Variants in KIF5B observed in about 807,000 individuals in gnomAD.
KIF5B encodes the protein kinesin family member 5B, also known as kinesin-1 heavy chain.
KIF5B carries 49 observed loss-of-function variants against 132.8 expected under a neutral mutation model. That is an observed-to-expected ratio of 0.37 (90% CI 0.29 to 0.47). The LOEUF is 0.47. Ranked by LOEUF, KIF5B falls within the 20% of genes least tolerant of loss-of-function variation. KIF5B has a pLI of 1.00. For missense variants in KIF5B, 780 were observed against 1,144.0 expected, an observed-to-expected ratio of 0.68 and a Z score of 4.59; for synonymous variants, 355 against 369.4, an observed-to-expected ratio of 0.96 and a Z score of 0.45.
chr10:32,052,773 A>G (rs555419238), intron 1 of KIF5B, among the ~76,000 whole-genome samples: 2 of 152,208 alleles, frequency 1.3e-5, no homozygotes, highest in Non-Finnish European at 2.9e-5. Flanking sequence ...AAAATAATTC[A>G]TTTCATTCGA....
chr10:32,034,844 A>G lies in KIF5B; in HGVS notation c.963-6T>C. 2.6e-6 allele frequency: 4 copies of G among 1,563,484 alleles called. No homozygotes were observed. The South Asian group carries it at 3.7e-5, about 14-fold the overall frequency. On this transcript the variant is annotated splice_region_variant and splice_polypyrimidine_tract_variant and intron_variant, in intron 10 of 25. Coordinates refer to ENST00000302418, the MANE Select transcript of KIF5B (RefSeq NM_004521.3). ...TGTTCTTAATTGTTTTGGCCCTAAG[A>G]GATGTAATTGGAGGAAAAAAAGGAT...
intron 1 of KIF5B, 127 bp from the exon 2 acceptor site, chr10:32,048,678 T>A: frequency 1.7e-6 from 1 of 595,626 alleles, no homozygotes; most frequent in Non-Finnish European, 2.9e-6. Flanking sequence ...TAATTTGGTA[T>A]CATTGAATCT....
intron 24 of KIF5B, among the ~76,000 whole-genome samples, chr10:32,016,097 T>C (rs959134919): frequency 7.2e-5 from 11 of 152,050 alleles, no homozygotes; most frequent in African/African-American, 2.7e-4. Flanking sequence ...TGAGCCATAA[T>C]TGCACCACTG....
intron 11 of KIF5B, 85 bp from the exon 12 acceptor site, chr10:32,034,123 T>C (rs574743540): frequency 3.0e-4 from 263 of 868,488 alleles, no homozygotes; most frequent in Non-Finnish European, 4.1e-4. Flanking sequence ...TTTTTTTTTT[T>C]TTTTTGAGAC....
intron 16 of KIF5B, 42 bp downstream of exon 16, chr10:32,022,806 G>T (rs912096239): frequency 7.5e-7 from 1 of 1,342,188 alleles, no homozygotes; most frequent in Non-Finnish European, 1.0e-6. Flanking sequence ...ATTTCTATGT[G>T]GCTGTTTCAA....
chr10:32,045,082 T>C (rs1841592450), intron 2 of KIF5B, among the ~76,000 whole-genome samples: 1 of 152,184 alleles, frequency 6.6e-6, no homozygotes, highest in Non-Finnish European at 1.5e-5. Context: ...ACAGACTTCA[T>C]CTTTTTCTTT....
Position 32,017,148 on chromosome 10 carries a change from T to C in KIF5B, c.2756A>G (p.Gln919Arg). Residue 919 changes from glutamine (Q) to arginine (R), a missense_variant, in exon 24 of 26, where the codon CAG becomes CGG. This residue lies in a region of KIF5B where 90 missense variants were observed against 101.8 expected (regional missense o/e 0.88). Transcript: ENST00000302418. ...KNMARRGHSAQIAKPIRPGQH... is the reference protein window; with the variant it reads ...KNMARRGHSARIAKPIRPGQH... Reference sequence around the variant, plus strand: ...TTTTAATGTGTTCTACTAACCAATCTGTGCAGAATGCCCTCTTCTGGCCAT... The same window carrying C: ...TTTTAATGTGTTCTACTAACCAATCCGTGCAGAATGCCCTCTTCTGGCCAT... 6.2e-7 allele frequency: 1 copy of C among 1,612,968 alleles called. No individual in the cohort carries two copies.
In KIF5B at chr10:32,035,947, G is replaced by A. The variant is rs1430902796; in HGVS notation, c.759C>T (p.Asn253=). 1.2e-6 allele frequency: 2 copies of A among 1,613,186 alleles called. No homozygotes were observed. The highest frequency in any genetic ancestry group is 2.2e-5 in the South Asian group (2 of 90,986). The change falls in exon 9 of 26, where the codon AAC becomes AAT. Residue 253 remains asparagine, a synonymous_variant. Transcript: ENST00000302418. ...AEGAVLDEAK[N]INKSLSALGN... ...CAAGAGCAGAAAGTGACTTGTTGAT[G>A]TTTTTAGCTTCATCCAGCACAGCAC...
chr10:32,036,025 A>G lies in KIF5B; in HGVS notation c.712-31T>C, dbSNP rs773615832. ...CATAAGATTTCAAAAGAATGAAACAAAATTACAAGTTTATAATTTTCTTTA... is the reference window on the plus strand; with the variant it reads ...CATAAGATTTCAAAAGAATGAAACAGAATTACAAGTTTATAATTTTCTTTA... On this transcript the variant is annotated intron_variant, in intron 8 of 25. Coordinates refer to ENST00000302418, the MANE Select transcript of KIF5B (RefSeq NM_004521.3). The G allele has an allele frequency of 2.9e-6, 4 of 1,396,580 alleles. No individual in the cohort carries two copies. In the East Asian group the frequency reaches 7.1e-5, roughly 25 times the overall value. The allele number at this position is 1,396,580 out of a possible 1,614,324, so 86.5% of individuals were successfully genotyped here. A position where few individuals can be genotyped will look rare whatever the true frequency, so the allele number is the denominator to read the frequency against.
intron 2 of KIF5B, among the ~76,000 whole-genome samples, chr10:32,042,835 C>T (rs1841560454): frequency 6.6e-6 from 1 of 152,120 alleles, no homozygotes; most frequent in Admixed American, 6.6e-5. Context: ...ACTTCAGCCT[C>T]CCCAGCAAAA....
At position 32,020,486 on chromosome 10, in the gene KIF5B, T is replaced by A. The variant is rs182338054; in HGVS notation, c.2205-527A>T. ...CTCTGTCACCCAGGCTGTAGTACAA[T>A]CATAGCTCACTTCAGCCTCAGATTC... On this transcript the variant is annotated intron_variant, in intron 19 of 25. Transcript: ENST00000302418. 2.0e-3 allele frequency among the ~76,000 whole-genome samples: 302 copies of A among 152,222 alleles called. 2 individuals carry two copies. The highest frequency in any genetic ancestry group is 6.1e-3 in the African/African-American group (254 of 41,546).
In KIF5B at chr10:32,055,924, G is replaced by T. The variant is rs1841756112; in HGVS notation, c.50C>A (p.Pro17His). The change falls in exon 1 of 26, where the codon CCT (proline) becomes CAT (histidine). Residue 17 changes from proline to histidine, a missense_variant. Physicochemically the swap from Pro to His is moderately conservative, Grantham distance 77 (BLOSUM62 -2). Transcript: ENST00000302418. ...GCGGTTCACTTCAGACTCGTTGAGA[G>T]GTCTGAAGCGACACATCACTTTGAT... ...CNIKVMCRFR[P>H]LNESEVNRGD... The T allele has an allele frequency of 2.5e-6, 4 of 1,611,726 alleles. No homozygotes were observed. The South Asian group carries it at 4.4e-5, about 18-fold the overall frequency.
Position 32,019,868 on chromosome 10 carries a change from G to A in KIF5B, c.2296C>T (p.His766Tyr). Residue 766 changes from histidine (H) to tyrosine (Y), a missense_variant, in exon 20 of 26, where the codon CAT becomes TAT. Around this residue, in one of 9 missense-constraint regions of KIF5B, gnomAD observed 471 missense variants for 569.9 expected, o/e 0.83. Transcript: ENST00000302418. ...AAAACAATTACTCACGTAAGTTCAT[G>A]TAGTTTTCTGCTCTTTTCCTGATCT... ...ATDQEKSRKL[H>Y]ELTVMQDRRE... is the part of the protein sequence containing the mutation. The A allele has an allele frequency of 6.3e-7, 1 of 1,598,248 alleles. No individual in the cohort carries two copies. The highest frequency in any genetic ancestry group is 8.6e-7 in the Non-Finnish European group (1 of 1,168,720).
At chr10:32,014,032 T>C (rs1036700405) in intron 25 of KIF5B, among the ~76,000 whole-genome samples, 2 of 152,228 alleles carry the variant, frequency 1.3e-5, no homozygotes, top group African/African-American at 4.8e-5. Flanking sequence ...CTAGCTTTAG[T>C]ATTTGTCAGA....
At position 32,053,715 on chromosome 10, in the gene KIF5B, ACT is replaced by A. The variant is rs144857383; in HGVS notation, c.126+2131_126+2132del. 8.4e-3 allele frequency among the ~76,000 whole-genome samples: 1,257 copies of A among 149,496 alleles called. 21 individuals are homozygous for A. The highest frequency in any genetic ancestry group is 0.029 in the African/African-American group (1,182 of 40,778). On this transcript the variant is annotated intron_variant, in intron 1 of 25. Transcript: ENST00000302418. ...CTCCAGCCTGGGCAACAAGAGCAAAACTCAAAAATATCTCAAAAAAAAAAAAA... is the reference window on the plus strand; with the variant it reads ...CTCCAGCCTGGGCAACAAGAGCAAAACAAAAATATCTCAAAAAAAAAAAAA...
rs1331342607 is a variant in KIF5B at position 32,011,394 on chromosome 10, AG to A, written c.*142del. The A allele has an allele frequency of 1.3e-5, 2 of 152,614 alleles. No individual in the cohort carries two copies. Among genetic ancestry groups the A allele is most frequent in the Admixed American group, 6.5e-5 (1 of 15,278 alleles). 9.5% of individuals were successfully genotyped at this position (152,614 alleles called of 1,614,324 possible). A position where few individuals can be genotyped will look rare whatever the true frequency, so the allele number is the denominator to read the frequency against. On this transcript the variant is annotated 3_prime_UTR_variant, in exon 26 of 26. Coordinates refer to ENST00000302418, the MANE Select transcript of KIF5B (RefSeq NM_004521.3). ...TAGGTAGGAAACAGCTGTACAGGCC[AG>A]GTATAATTTATACATTTTTTTTAAA...
At chr10:32,036,254 A>C (rs547131685) in intron 8 of KIF5B, among the ~76,000 whole-genome samples, 7 of 152,342 alleles carry the variant, frequency 4.6e-5, no homozygotes, top group Non-Finnish European at 1.0e-4. Context: ...GTAGTTCATT[A>C]ATCTGTTAGT....
At chr10:32,038,109 TAA>T (rs373407112) in intron 6 of KIF5B, 52 bp downstream of exon 6, 16,281 of 930,570 alleles carry the variant, frequency 0.017, no homozygotes, top group South Asian at 0.026. Flanking sequence ...GACTCTGTCT[TAA>T]AAAAAAAAAA....
chr10:32,043,271 A>G (rs1841565273), intron 2 of KIF5B, among the ~76,000 whole-genome samples: 4 of 152,166 alleles, frequency 2.6e-5, no homozygotes. Context: ...CCAAAATGCT[A>G]GGATTACAGG....
Sources: gnomAD v4.1 joint callset for allele counts (sites outside exome capture counted in the v4.1 genomes callset) on GRCh38, gnomAD v4.1.1 for gene constraint, gnomAD v4.1.1 regional missense constraint, MANE v1.5 for transcripts, NCBI Gene and HGNC (gene_info 2026-07-23, HGNC 2026-07-21) for gene names.